RPGRIP1L: variants seen among roughly 807,000 people sequenced by gnomAD.
The protein encoded by RPGRIP1L is RPGRIP1 like, also known as protein fantom.
RPGRIP1L carries 131 observed loss-of-function variants against 160.4 expected under a neutral mutation model. That is an observed-to-expected ratio of 0.82 (90% CI 0.71 to 0.94). The LOEUF is 0.94. Ranked by LOEUF, RPGRIP1L falls within the 40% of genes least tolerant of loss-of-function variation. The pLI is 0.00. For synonymous variants in RPGRIP1L, 510 were observed against 515.8 expected, an observed-to-expected ratio of 0.99 and a Z score of 0.15; for missense variants, 1,522 against 1,535.8, an observed-to-expected ratio of 0.99 and a Z score of 0.15.
At chr16:53,695,544 G>A (rs960630383) in intron 3 of RPGRIP1L, 2 of 631,890 alleles carry the variant, frequency 3.2e-6, no homozygotes, top group East Asian at 5.5e-5. Flanking sequence ...CAGAAAATAG[G>A]CACAGCATTT....
intron 15 of RPGRIP1L, among the ~76,000 whole-genome samples, chr16:53,650,603 T>A (rs1057208468): frequency 3.3e-5 from 5 of 151,994 alleles, no homozygotes; most frequent in African/African-American, 1.2e-4. Context: ...TTTGAAAGAA[T>A]CTGCAGCCTT....
chr16:53,660,495 A>G (rs956933147), intron 10 of RPGRIP1L, among the ~76,000 whole-genome samples: 2 of 152,116 alleles, frequency 1.3e-5, no homozygotes, highest in African/African-American at 4.8e-5. Flanking sequence ...TTACACAGTT[A>G]GGAATAAATT....
At chr16:53,680,179 T>C (rs1018259336) in intron 6 of RPGRIP1L, among the ~76,000 whole-genome samples, 3 of 152,134 alleles carry the variant, frequency 2.0e-5, no homozygotes, top group African/African-American at 7.2e-5. Context: ...ATGTTAATAA[T>C]AAAAACATGA....
intron 6 of RPGRIP1L, among the ~76,000 whole-genome samples, chr16:53,682,216 G>A (rs1386583874): frequency 6.6e-6 from 1 of 152,116 alleles, no homozygotes; most frequent in Non-Finnish European, 1.5e-5. Context: ...AAGATCAAGT[G>A]AGGTAGGGTA....
In RPGRIP1L at chr16:53,696,184, T is replaced by C. The variant is rs1970742893; in HGVS notation, c.197A>G (p.Gln66Arg). 1 of 1,614,078 alleles carries C rather than the reference T, an allele frequency of 6.2e-7. No homozygotes were observed. The highest frequency in any genetic ancestry group is 8.5e-7 in the Non-Finnish European group (1 of 1,179,980). The change falls in exon 3 of 27, where the codon CAG (glutamine) becomes CGG (arginine). Residue 66 changes from glutamine (Q) to arginine (R), a missense_variant. Transcript: ENST00000647211. Reference sequence around the variant, plus strand: ...TTTATCCTCCTGCTTGCGGGCATGCTGTTTAAGTAAAATGTTCTCATCATG... The same window carrying C: ...TTTATCCTCCTGCTTGCGGGCATGCCGTTTAAGTAAAATGTTCTCATCATG... ...RLHDENILLK[Q>R]HARKQEDKIK...
intron 26 of RPGRIP1L, among the ~76,000 whole-genome samples, chr16:53,604,349 C>T (rs1963546365): frequency 1.3e-5 from 2 of 152,228 alleles, no homozygotes; most frequent in South Asian, 2.1e-4. Flanking sequence ...ATAAGAGGTG[C>T]TCCCTTCAGT....
chr16:53,611,043 C>T lies in RPGRIP1L; in HGVS notation c.3625G>A (p.Val1209Met), dbSNP rs373993184. 1.2e-5 allele frequency: 19 copies of T among 1,611,070 alleles called. 1 individual carries two copies. The highest frequency in any genetic ancestry group is 3.3e-5 in the South Asian group (3 of 91,022). ...TTTGCTTTGTTGTTTTCTTTATCCACGTAGATCACTATACCAAAAGAAAAA... is the reference window on the plus strand; with the variant it reads ...TTTGCTTTGTTGTTTTCTTTATCCATGTAGATCACTATACCAAAAGAAAAA... ...VYYNYSNVIYVDKENNKAKRD... is the reference protein window; with the variant it reads ...VYYNYSNVIYMDKENNKAKRD... The change falls in exon 25 of 27, where the codon GTG becomes ATG. Residue 1209 changes from valine (V) to methionine (M), a missense_variant. Coordinates refer to ENST00000647211, the MANE Select transcript of RPGRIP1L (RefSeq NM_015272.5).
intron 6 of RPGRIP1L, among the ~76,000 whole-genome samples, chr16:53,679,244 A>C (rs1035026724): frequency 2.4e-4 from 37 of 152,254 alleles, no homozygotes; most frequent in African/African-American, 8.9e-4. Context: ...AGCTCTCTAC[A>C]TGCATAAAAT....
At chr16:53,650,089 A>C (rs933686814) in intron 15 of RPGRIP1L, among the ~76,000 whole-genome samples, 1 of 152,170 alleles carries the variant, frequency 6.6e-6, no homozygotes, top group African/African-American at 2.4e-5. Flanking sequence ...TATAGTTTGA[A>C]TGTTTGTACC....
intron 8 of RPGRIP1L, 111 bp from the exon 9 acceptor site, chr16:53,671,694 C>A: frequency 1.7e-6 from 1 of 598,690 alleles, no homozygotes; most frequent in South Asian, 2.2e-5. Flanking sequence ...GTTTTAATCT[C>A]GATTGCTAAA....
chr16:53,617,096 A>AAAAAAAAAAAAAAAAAAAC, intron 24 of RPGRIP1L, among the ~76,000 whole-genome samples: 1 of 148,832 alleles, frequency 6.7e-6, no homozygotes, highest in Admixed American at 6.7e-5. Flanking sequence ...AAAAAAAAAA[A>AAAAAAAAAAAAAAAAAAAC]AAAGCACAAC....
At chr16:53,658,218 CTAAA>C (rs375047488) in intron 12 of RPGRIP1L, among the ~76,000 whole-genome samples, 192 bp downstream of exon 12, 2 of 152,060 alleles carry the variant, frequency 1.3e-5, no homozygotes, top group African/African-American at 4.8e-5. Flanking sequence ...TATGCTATAA[CTAAA>C]TGTCACCTGA....
At chr16:53,615,815 T>C (rs993956618) in intron 24 of RPGRIP1L, among the ~76,000 whole-genome samples, 1 of 151,844 alleles carries the variant, frequency 6.6e-6, no homozygotes, top group African/African-American at 2.4e-5. Flanking sequence ...GCCAGGCTGG[T>C]CTCAAACTCC....
In RPGRIP1L at chr16:53,619,070, G is replaced by C; in HGVS notation, c.3571C>G (p.Pro1191Ala). Reference protein sequence around the residue: ...LPAEETPVSLPKPKSGQWVYY... With the variant: ...LPAEETPVSLAKPKSGQWVYY... The stretch of plus-strand genomic sequence containing the variant: ...ACCCACTGCCCACTCTTGGGTTTTG[G>C]AAGTGACACGGGTGTCTCTTCAGCA... Residue 1191 changes from proline to alanine, a missense_variant, in exon 24 of 27, where the codon CCA (proline) becomes GCA (alanine). Physicochemically the swap from Pro to Ala is conservative, Grantham distance 27 (BLOSUM62 -1). Transcript: ENST00000647211. 1.9e-6 allele frequency: 3 copies of C among 1,614,104 alleles called. No individual in the cohort carries two copies. The highest frequency in any genetic ancestry group is 2.5e-6 in the Non-Finnish European group (3 of 1,180,010).
chr16:53,670,353 G>A lies in RPGRIP1L; in HGVS notation c.1103+1157C>T, dbSNP rs111684532. ...GTTATTTTCTGAGGTTTCAGCACAT[G>A]ACCAGAAGTAGTAGCTGTTGAATAT... On this transcript the variant is annotated intron_variant, in intron 9 of 26. Coordinates refer to ENST00000647211, the MANE Select transcript of RPGRIP1L (RefSeq NM_015272.5). Among the ~76,000 whole-genome samples, 26 of 152,282 alleles carry A rather than the reference G, an allele frequency of 1.7e-4. 2 individuals carry two copies. The highest frequency in any genetic ancestry group is 5.2e-4 in the Admixed American group (8 of 15,296).
intron 22 of RPGRIP1L, among the ~76,000 whole-genome samples, chr16:53,625,137 G>C (rs1403576752): frequency 6.6e-6 from 1 of 152,156 alleles, no homozygotes; most frequent in East Asian, 1.9e-4. Flanking sequence ...CCAGCCGCCT[G>C]CCTTGGCCTC....
chr16:53,637,014 C>T (rs1334588904), intron 21 of RPGRIP1L, among the ~76,000 whole-genome samples: 2 of 151,516 alleles, frequency 1.3e-5, no homozygotes, highest in Non-Finnish European at 2.9e-5. Flanking sequence ...GAGACAGGGT[C>T]TTGCTATGTT....
At position 53,700,506 on chromosome 16, in the gene RPGRIP1L, C is replaced by T; in HGVS notation, c.85+133G>A. The T allele has an allele frequency of 4.0e-6, 3 of 744,256 alleles. No individual in the cohort carries two copies. In the South Asian group the frequency reaches 4.6e-5, roughly 11 times the overall value. The allele number at this position is 744,256 out of a possible 1,614,324, so 46.1% of individuals were successfully genotyped here. A position where few individuals can be genotyped will look rare whatever the true frequency, so the allele number is the denominator to read the frequency against. On this transcript the variant is annotated intron_variant, in intron 2 of 26. Transcript: ENST00000647211. ...ACCATATGTGTTCTAAACTCTCCAT[C>T]TTTTTGTTTAGTCCAATCAAGGACT...
intron 26 of RPGRIP1L, 68 bp downstream of exon 26, chr16:53,605,413 G>C (rs947391208): frequency 1.3e-6 from 2 of 1,583,372 alleles, no homozygotes; most frequent in Non-Finnish European, 1.7e-6. Context: ...CAAAAAGAAG[G>C]TTTTAATAAA....
Sources: allele counts gnomAD v4.1 joint callset (sites outside exome capture counted in the v4.1 genomes callset), GRCh38; gene constraint gnomAD v4.1.1; transcripts MANE v1.5; gene names NCBI Gene and HGNC (gene_info 2026-07-23, HGNC 2026-07-21).